INPP4A: variants seen among roughly 807,000 people sequenced by gnomAD.
The protein encoded by INPP4A is inositol polyphosphate-4-phosphatase, type I, 107kD.
INPP4A carries 33 observed loss-of-function variants against 119.8 expected under a neutral mutation model. That is an observed-to-expected ratio of 0.28 (90% CI 0.21 to 0.37). INPP4A has a LOEUF of 0.37. INPP4A is among the 10% of genes least tolerant of loss of function. INPP4A has a pLI of 1.00. For synonymous variants in INPP4A, 496 were observed against 500.7 expected (o/e 0.99, Z 0.12); for missense variants, 956 against 1,289.9 (o/e 0.74, Z 3.97).
At chr2:98,450,214 GTT>G (rs1472017488) in intron 1 of INPP4A, among the ~76,000 whole-genome samples, 25 of 152,294 alleles carry the variant, frequency 1.6e-4, no homozygotes, top group East Asian at 9.6e-4. Context: ...GAGCTGTGGT[GTT>G]GAGGAGTGGT....
chr2:98,468,503 C>T (rs548807646), intron 1 of INPP4A, among the ~76,000 whole-genome samples: 24 of 151,978 alleles, frequency 1.6e-4, no homozygotes, highest in Admixed American at 6.6e-5. Flanking sequence ...CCTCCCAAAG[C>T]GCTAGGATTT....
chr2:98,526,275 T>G (rs952814463), intron 4 of INPP4A, among the ~76,000 whole-genome samples: 2 of 152,226 alleles, frequency 1.3e-5, no homozygotes, highest in African/African-American at 4.8e-5. Context: ...ATGAAAAAGT[T>G]GTGCTATCTT....
chr2:98,573,442 T>C (rs1325779944), intron 23 of INPP4A, among the ~76,000 whole-genome samples: 1 of 152,184 alleles, frequency 6.6e-6, no homozygotes, highest in Non-Finnish European at 1.5e-5. Flanking sequence ...CATTCACCCT[T>C]GATGAGGGGC....
intron 5 of INPP4A, among the ~76,000 whole-genome samples, chr2:98,534,830 C>CA (rs1188887113): frequency 1.3e-5 from 2 of 152,150 alleles, no homozygotes; most frequent in African/African-American, 4.8e-5. Flanking sequence ...GAGCGTATGA[C>CA]AGAGACTTTG....
chr2:98,589,132 A>G lies in INPP4A; in HGVS notation c.*1524A>G, dbSNP rs1186028426. ...GTCTCCCGATGCCTGCAGGGAGGAA[A>G]ATGTCTGTGAAGGACACTTTAATGA... On this transcript the variant is annotated 3_prime_UTR_variant, in exon 25 of 25. Transcript: ENST00000409851. The G allele has an allele frequency of 1.1e-5, 2 of 178,742 alleles. No individual in the cohort carries two copies. The highest frequency in any genetic ancestry group is 2.4e-5 in the Non-Finnish European group (2 of 83,432). 11.1% of individuals were successfully genotyped at this position (178,742 alleles called of 1,614,324 possible). A position where few individuals can be genotyped will look rare whatever the true frequency, so the allele number is the denominator to read the frequency against.
Position 98,528,235 on chromosome 2 carries a change from T to A in INPP4A, c.152-5142T>A, listed in dbSNP as rs544649681. Among the ~76,000 whole-genome samples, 14 of 152,086 alleles carry A rather than the reference T, an allele frequency of 9.2e-5. 1 individual carries two copies. The South Asian group carries it at 2.5e-3, about 27-fold the overall frequency. On this transcript the variant is annotated intron_variant, in intron 4 of 24. Transcript: ENST00000409851. ...GATATCTAAATACAAATTCTGGAGT[T>A]CAAAATTATAATAACTGAAATGAAA...
At chr2:98,476,725 A>G (rs1489394052) in intron 1 of INPP4A, among the ~76,000 whole-genome samples, 4 of 152,194 alleles carry the variant, frequency 2.6e-5, no homozygotes, top group African/African-American at 9.7e-5. Context: ...TCACCTGAGA[A>G]TGGCCAAGAT....
chr2:98,464,904 C>A (rs1674428812), intron 1 of INPP4A, among the ~76,000 whole-genome samples: 1 of 152,174 alleles, frequency 6.6e-6, no homozygotes, highest in South Asian at 2.1e-4. Context: ...CACGAAGGAG[C>A]TTTTGTGAGC....
At chr2:98,541,388 C>G (rs1186559059) in intron 10 of INPP4A, among the ~76,000 whole-genome samples, 1 of 151,694 alleles carries the variant, frequency 6.6e-6, no homozygotes, top group African/African-American at 2.4e-5. Context: ...CACCTAAAAT[C>G]ACCAATTGTT....
At chr2:98,462,965 C>T (rs1174416145) in intron 1 of INPP4A, among the ~76,000 whole-genome samples, 4 of 152,140 alleles carry the variant, frequency 2.6e-5, no homozygotes, top group Non-Finnish European at 4.4e-5. Context: ...CCTCAGCCTC[C>T]CAAGTGGCTG....
Position 98,519,999 on chromosome 2 carries a change from C to T in INPP4A, c.-50C>T. On this transcript the variant is annotated 5_prime_UTR_variant, in exon 3 of 25. Transcript: ENST00000409851. ...TCGGTGCCAGCACTTCCCGGGTAAT[C>T]AGGCGTGGTCTGACCGAGGATCAAG... The T allele has an allele frequency of 6.9e-7, 1 of 1,458,614 alleles. No homozygotes were observed. The highest frequency in any genetic ancestry group is 2.5e-5 in the East Asian group (1 of 40,574). The allele number at this position is 1,458,614 out of a possible 1,614,324, so 90.4% of individuals were successfully genotyped here.
intron 1 of INPP4A, among the ~76,000 whole-genome samples, chr2:98,457,898 T>C (rs563570702): frequency 3.9e-5 from 6 of 152,092 alleles, no homozygotes; most frequent in Non-Finnish European, 8.8e-5. Flanking sequence ...ACTCTAGGGC[T>C]CAAGCAGTTC....
chr2:98,448,709 C>T (rs796702752), intron 1 of INPP4A, among the ~76,000 whole-genome samples: 1,504 of 76,754 alleles, frequency 0.02, 42 homozygotes, highest in African/African-American at 0.062. Context: ...CTCTCTCTCT[C>T]TTTTTTTTTT....
In INPP4A at chr2:98,554,778, T is replaced by C. The variant is rs1389970456; in HGVS notation, c.1566+289T>C. 1.3e-5 allele frequency among the ~76,000 whole-genome samples: 2 copies of C among 152,178 alleles called. No individual in the cohort carries two copies. The highest frequency in any genetic ancestry group is 2.9e-5 in the Non-Finnish European group (2 of 68,034). ...TCCTCCCGTGTTGGAGGTCTCTCCT[T>C]CCCCTGCCTCCTGTGCCTTCTATGG... On this transcript the variant is annotated intron_variant, in intron 15 of 24. Coordinates refer to ENST00000409851, the MANE Select transcript of INPP4A (RefSeq NM_001134225.2). The surrounding 1 kb of genome is among the most constrained non-coding windows in gnomAD (Gnocchi z 4.7).
intron 1 of INPP4A, among the ~76,000 whole-genome samples, chr2:98,497,717 T>C (rs1682303874): frequency 6.6e-6 from 1 of 152,262 alleles, no homozygotes; most frequent in African/African-American, 2.4e-5. Context: ...GTTGATTGTC[T>C]GCTTTGCTGT....
intron 24 of INPP4A, among the ~76,000 whole-genome samples, chr2:98,587,247 C>T (rs992213430): frequency 2.6e-5 from 4 of 152,174 alleles, no homozygotes; most frequent in African/African-American, 9.7e-5. Context: ...CTTTTAGGAA[C>T]GCACAACTCA....
At chr2:98,493,594 G>A (rs530714382) in intron 1 of INPP4A, among the ~76,000 whole-genome samples, 111 of 151,908 alleles carry the variant, frequency 7.3e-4, no homozygotes, top group African/African-American at 1.3e-3. Flanking sequence ...ACAGGGTTTC[G>A]CTATGTTGCC....
chr2:98,520,146 C>T lies in INPP4A; in HGVS notation c.98C>T (p.Ser33Phe). ...IDVAADMLGL[S>F]LAGNIQDPDE... ...GTGGCGGCCGACATGCTGGGCCTCTCTCTGGCAGGTGAGCCTCACAGGGCC... is the reference window on the plus strand; with the variant it reads ...GTGGCGGCCGACATGCTGGGCCTCTTTCTGGCAGGTGAGCCTCACAGGGCC... The change falls in exon 3 of 25, where the codon TCT (serine) becomes TTT (phenylalanine). Residue 33 changes from serine (S) to phenylalanine (F), a missense_variant. Coordinates refer to ENST00000409851, the MANE Select transcript of INPP4A (RefSeq NM_001134225.2). 1.3e-6 allele frequency: 2 copies of T among 1,557,224 alleles called. No individual in the cohort carries two copies. The highest frequency in any genetic ancestry group is 1.7e-6 in the Non-Finnish European group (2 of 1,149,816).
chr2:98,564,999 T>C (rs773443470), intron 19 of INPP4A, among the ~76,000 whole-genome samples: 10 of 152,256 alleles, frequency 6.6e-5, no homozygotes, highest in Non-Finnish European at 1.3e-4. Context: ...TGTTGGACTT[T>C]GGGTTGTTCC....
Sources: gnomAD v4.1 joint callset for allele counts (sites outside exome capture counted in the v4.1 genomes callset) on GRCh38, gnomAD v4.1.1 for gene constraint, Gnocchi (gnomAD v3.1) non-coding constraint, MANE v1.5 for transcripts, NCBI Gene and HGNC (gene_info 2026-07-23, HGNC 2026-07-21) for gene names.